The following NELL1 variants were observed in gnomAD, a reference collection of about 807,000 sequenced individuals.
NELL1 encodes the protein protein kinase C-binding protein NELL1.
NELL1 carries 76 observed loss-of-function variants against 107.4 expected under a neutral mutation model. The observed-to-expected ratio is 0.71, with a 90% CI of 0.59 to 0.86. The LOEUF (loss-of-function observed/expected upper bound fraction) is 0.86. Among genes scored for constraint, NELL1 ranks in the 40% least tolerant of loss-of-function variants. The pLI, the probability that NELL1 is intolerant of heterozygous loss-of-function variation, is 0.00. For synonymous variants in NELL1, 353 were observed against 341.2 expected (o/e 1.03, Z -0.38); for missense variants, 1,024 against 1,005.5 (o/e 1.02, Z -0.25).
chr11:21,313,842 T>C (rs74882208), intron 14 of NELL1, among the ~76,000 whole-genome samples: 3,629 of 152,196 alleles, frequency 0.024, 145 homozygotes, highest in African/African-American at 0.084. Context: ...TTGTAATCCC[T>C]AGTATTGGAG....
intron 13 of NELL1, among the ~76,000 whole-genome samples, chr11:21,199,776 T>C (rs892470377): frequency 1.4e-5 from 2 of 141,880 alleles, no homozygotes; most frequent in African/African-American, 5.3e-5. Context: ...TAGGTATTTC[T>C]CCTAATGCTA....
intron 3 of NELL1, among the ~76,000 whole-genome samples, chr11:20,834,957 T>C (rs1281306845): frequency 6.6e-6 from 1 of 152,220 alleles, no homozygotes; most frequent in Admixed American, 6.5e-5. Context: ...TGGTTGGTTC[T>C]ATGAATCTAG....
At chr11:20,764,051 C>T (rs749240017) in intron 2 of NELL1, among the ~76,000 whole-genome samples, 4 of 152,234 alleles carry the variant, frequency 2.6e-5, no homozygotes, top group Non-Finnish European at 5.9e-5. Context: ...ATGGGCTCTG[C>T]GTTGCCAGGT....
intron 13 of NELL1, among the ~76,000 whole-genome samples, chr11:21,159,036 C>T (rs1019034031): frequency 6.6e-6 from 1 of 152,058 alleles, no homozygotes; most frequent in Admixed American, 6.6e-5. Context: ...TGTTTCAGTT[C>T]TAATGACTTT....
rs1555006224 is a variant in NELL1 at position 21,337,837 on chromosome 11, T to TTGCTTTCTTTCTTTC, written c.1550-33015_1550-33014insGCTTTCTTTCTTTCT. Among the ~76,000 whole-genome samples the TTGCTTTCTTTCTTTC allele has an allele frequency of 3.5e-5, 3 of 86,652 alleles. No homozygotes were observed. The East Asian group carries it at 1.3e-3, about 38-fold the overall frequency. The allele number at this position is 86,652 out of a possible 152,430, so 56.8% of individuals were successfully genotyped here. A position where few individuals can be genotyped will look rare whatever the true frequency, so the allele number is the denominator to read the frequency against. ...CTTTCCTTCTTTCTTTCTTTCTTTC[T>TTGCTTTCTTTCTTTC]TTTCTTTCTTTCTTTCTTTCTTTCT... On this transcript the variant is annotated intron_variant, in intron 14 of 19. Transcript: ENST00000357134.
At chr11:21,477,758 A>AAAT (rs766035478) in intron 15 of NELL1, among the ~76,000 whole-genome samples, 1 of 152,042 alleles carries the variant, frequency 6.6e-6, no homozygotes, top group Non-Finnish European at 1.5e-5. Flanking sequence ...AGAGATTTCA[A>AAAT]AATAGCTGTT....
intron 2 of NELL1, among the ~76,000 whole-genome samples, chr11:20,696,045 T>C (rs1309016289): frequency 6.6e-6 from 1 of 152,172 alleles, no homozygotes; most frequent in Non-Finnish European, 1.5e-5. Context: ...CATTTCTGGA[T>C]AGATTTTCTG....
chr11:21,311,866 G>T (rs190752070), intron 14 of NELL1, among the ~76,000 whole-genome samples: 19 of 152,268 alleles, frequency 1.2e-4, no homozygotes, highest in Admixed American at 1.2e-3. Context: ...AAATAAATAT[G>T]TTGAAACATA....
intron 2 of NELL1, among the ~76,000 whole-genome samples, chr11:20,744,423 C>T (rs113653844): frequency 0.035 from 5,322 of 152,238 alleles, 304 homozygotes; most frequent in African/African-American, 0.12. Flanking sequence ...CTGTATAACA[C>T]ACTACTCTAA....
At chr11:21,569,499 C>T (rs1005366561) in intron 17 of NELL1, among the ~76,000 whole-genome samples, 1 of 150,732 alleles carries the variant, frequency 6.6e-6, no homozygotes, top group African/African-American at 2.5e-5. Flanking sequence ...ATGATATATA[C>T]TTAAAACCAT....
chr11:21,505,319 A>G (rs1855252948), intron 15 of NELL1, among the ~76,000 whole-genome samples: 1 of 152,320 alleles, frequency 6.6e-6, no homozygotes, highest in East Asian at 1.9e-4. Context: ...ACTACATGGA[A>G]TAGAGGAACA....
At chr11:21,353,426 A>G (rs138957821) in intron 14 of NELL1, among the ~76,000 whole-genome samples, 7 of 152,276 alleles carry the variant, frequency 4.6e-5, no homozygotes, top group Non-Finnish European at 8.8e-5. Context: ...GTGGTGATTA[A>G]ATCCAGATTT....
At chr11:21,195,688 T>A (rs80253619) in intron 13 of NELL1, among the ~76,000 whole-genome samples, 8,478 of 152,206 alleles carry the variant, frequency 0.056, 766 homozygotes, top group African/African-American at 0.19. Context: ...ATATTTTACA[T>A]TCTTCTTTTT....
intron 15 of NELL1, among the ~76,000 whole-genome samples, chr11:21,507,118 G>T (rs1022139645): frequency 7.2e-5 from 11 of 152,136 alleles, no homozygotes; most frequent in Non-Finnish European, 1.5e-4. Flanking sequence ...TTGGAAGAAG[G>T]AATGTCAGAA....
chr11:21,176,694 G>A (rs1305694311), intron 13 of NELL1, among the ~76,000 whole-genome samples: 1 of 151,790 alleles, frequency 6.6e-6, no homozygotes, highest in Non-Finnish European at 1.5e-5. Context: ...GCCTACGTTT[G>A]CGTCACATCC....
chr11:20,900,423 A>G (rs1228311787), intron 5 of NELL1, among the ~76,000 whole-genome samples: 2 of 152,176 alleles, frequency 1.3e-5, no homozygotes, highest in African/African-American at 4.8e-5. Flanking sequence ...TTCACATTGC[A>G]CAAGGTATGG....
intron 14 of NELL1, among the ~76,000 whole-genome samples, chr11:21,244,469 G>A (rs1006514655): frequency 2.6e-5 from 4 of 152,124 alleles, no homozygotes; most frequent in Non-Finnish European, 5.9e-5. Context: ...AATGCTGAAT[G>A]TACAGAGAAT....
At chr11:21,058,281 A>G (rs780619977) in intron 12 of NELL1, among the ~76,000 whole-genome samples, 5 of 152,176 alleles carry the variant, frequency 3.3e-5, no homozygotes, top group Non-Finnish European at 7.4e-5. Flanking sequence ...TTTGCCTAAA[A>G]ATGTATTGTC....
intron 2 of NELL1, among the ~76,000 whole-genome samples, chr11:20,741,714 C>T (rs183582418): frequency 5.3e-5 from 8 of 152,284 alleles, no homozygotes; most frequent in Admixed American, 6.5e-5. Flanking sequence ...GTTAATTCTA[C>T]GATGGAACAC....
Sources: allele counts gnomAD v4.1 joint callset (sites outside exome capture counted in the v4.1 genomes callset), GRCh38; gene constraint gnomAD v4.1.1; transcripts MANE v1.5; gene names NCBI Gene and HGNC (gene_info 2026-07-23, HGNC 2026-07-21).